The following ZNF804A variants were observed in gnomAD, a reference collection of about 807,000 sequenced individuals.
ZNF804A encodes the protein zinc finger protein 804A.
Under a neutral mutation model 16.5 loss-of-function variants are expected in ZNF804A, and 2 were observed. The observed-to-expected ratio is 0.12, with a 90% CI of 0.05 to 0.38. ZNF804A has a LOEUF of 0.38. ZNF804A is among the 10% of genes least tolerant of loss of function. ZNF804A has a pLI of 0.99. For missense variants in ZNF804A, 1,473 were observed against 1,390.7 expected (o/e 1.06, Z -0.94); for synonymous variants, 534 against 489.6 (o/e 1.09, Z -1.20).
intron 1 of ZNF804A, among the ~76,000 whole-genome samples, chr2:184,653,449 T>C (rs1036367747): frequency 6.6e-6 from 1 of 152,094 alleles, no homozygotes; most frequent in African/African-American, 2.4e-5. Context: ...CTCAGGGACA[T>C]AAGGCAGAAA....
At chr2:184,758,204 G>A (rs577011817) in intron 1 of ZNF804A, among the ~76,000 whole-genome samples, 26 of 151,788 alleles carry the variant, frequency 1.7e-4, no homozygotes, top group Admixed American at 4.0e-4. Flanking sequence ...TTAAGCTTCC[G>A]GTGAATATAT....
At chr2:184,864,328 A>G (rs1404490060) in intron 1 of ZNF804A, among the ~76,000 whole-genome samples, 1 of 152,094 alleles carries the variant, frequency 6.6e-6, no homozygotes, top group South Asian at 2.1e-4. Flanking sequence ...ACTTACCTCA[A>G]TCCTCCATGG....
intron 1 of ZNF804A, among the ~76,000 whole-genome samples, chr2:184,703,548 G>C (rs1172264113): frequency 1.3e-5 from 2 of 151,842 alleles, no homozygotes; most frequent in South Asian, 4.2e-4. Flanking sequence ...AAATTAGCCG[G>C]GCGTGGTGGC....
intron 1 of ZNF804A, among the ~76,000 whole-genome samples, chr2:184,772,848 T>G (rs1027139213): frequency 6.6e-6 from 1 of 150,974 alleles, no homozygotes; most frequent in Non-Finnish European, 1.5e-5. Flanking sequence ...GGATGTGACA[T>G]GGTATTTCAC....
intron 1 of ZNF804A, among the ~76,000 whole-genome samples, chr2:184,675,693 C>G (rs546027593): frequency 1.3e-5 from 2 of 151,624 alleles, no homozygotes; most frequent in African/African-American, 4.8e-5. Flanking sequence ...AAGTGAGGCA[C>G]GGAGATATTT....
rs35756065 is a variant in ZNF804A, at chr2:184,853,868, C to CTT, written c.112-12487_112-12486dup. 3.9e-4 allele frequency among the ~76,000 whole-genome samples: 54 copies of CTT among 138,182 alleles called. 1 individual carries two copies. The South Asian group carries it at 4.2e-3, about 11-fold the overall frequency. 90.7% of individuals were successfully genotyped at this position (138,182 alleles called of 152,430 possible). On this transcript the variant is annotated intron_variant, in intron 1 of 3. Coordinates refer to ENST00000302277, the MANE Select transcript of ZNF804A (RefSeq NM_194250.2). ...AGGGATAGTAACCTTAATTTTGTTT[C>CTT]TTTTTTTTTTTTTTTGGCAGTATCC...
intron 1 of ZNF804A, among the ~76,000 whole-genome samples, chr2:184,808,151 A>G (rs943446635): frequency 7.3e-5 from 11 of 151,610 alleles, no homozygotes; most frequent in South Asian, 2.1e-4. Context: ...TCATTTATTT[A>G]CACATTACAG....
intron 2 of ZNF804A, among the ~76,000 whole-genome samples, chr2:184,912,304 C>A (rs1332570568): frequency 1.3e-5 from 2 of 151,806 alleles, no homozygotes; most frequent in Non-Finnish European, 2.9e-5. Flanking sequence ...TGTGGTGTAT[C>A]CAAGTTGTAT....
At chr2:184,815,586 A>C (rs1295143673) in intron 1 of ZNF804A, among the ~76,000 whole-genome samples, 1 of 151,920 alleles carries the variant, frequency 6.6e-6, no homozygotes, top group Non-Finnish European at 1.5e-5. Context: ...GATAGGTTGT[A>C]AAATCAGTGT....
intron 2 of ZNF804A, among the ~76,000 whole-genome samples, chr2:184,873,648 A>T (rs1365960133): frequency 6.6e-6 from 1 of 152,258 alleles, no homozygotes; most frequent in Non-Finnish European, 1.5e-5. Context: ...ATTTAGTATT[A>T]TGATTTTATT....
chr2:184,776,516 G>A (rs1228817953), intron 1 of ZNF804A, among the ~76,000 whole-genome samples: 1 of 150,586 alleles, frequency 6.6e-6, no homozygotes, highest in Non-Finnish European at 1.5e-5. Flanking sequence ...GTAAAAGTTA[G>A]TACTTCGGAA....
chr2:184,641,826 T>A (rs1419283408), intron 1 of ZNF804A, among the ~76,000 whole-genome samples: 1 of 152,220 alleles, frequency 6.6e-6, no homozygotes, highest in Non-Finnish European at 1.5e-5. Flanking sequence ...AGAGATAAGC[T>A]ATTTACAATA....
At chr2:184,906,290 T>C (rs1685273019) in intron 2 of ZNF804A, among the ~76,000 whole-genome samples, 1 of 152,120 alleles carries the variant, frequency 6.6e-6, no homozygotes, top group African/African-American at 2.4e-5. Flanking sequence ...CATTTCCATT[T>C]CTTTTTTCTT....
chr2:184,730,271 G>A (rs1391695277), intron 1 of ZNF804A, among the ~76,000 whole-genome samples: 1 of 151,968 alleles, frequency 6.6e-6, no homozygotes, highest in East Asian at 1.9e-4. Context: ...AGAAAGTACA[G>A]AAATTTCCTA....
rs1443302549 is a variant in ZNF804A, at chr2:184,938,811, A to G, written c.3415A>G (p.Thr1139Ala). The G allele has an allele frequency of 6.2e-7, 1 of 1,613,566 alleles. No individual in the cohort carries two copies. The highest frequency in any genetic ancestry group is 2.2e-5 in the East Asian group (1 of 44,810). ...GTTTCTTTCCCAAATCCCAGCTCTC[A>G]CCAGAACCTCATTACCTCAGCTCTC... The part of the protein sequence containing the change: ...QQFLSQIPAL[T>A]RTSLPQLSVG... Residue 1139 changes from threonine to alanine, a missense_variant, in exon 4 of 4, where the codon ACC becomes GCC. Transcript: ENST00000302277.
intron 1 of ZNF804A, among the ~76,000 whole-genome samples, chr2:184,806,529 A>C (rs930319566): frequency 6.6e-6 from 1 of 151,918 alleles, no homozygotes. Flanking sequence ...ATGAGCAAGA[A>C]ATATTTTTTC....
chr2:184,935,645 C>A, intron 3 of ZNF804A, 138 bp from the exon 4 acceptor site: 3 of 942,376 alleles, frequency 3.2e-6, no homozygotes, highest in Non-Finnish European at 4.5e-6. Flanking sequence ...AGTACTTACA[C>A]CATATGAAGG....
chr2:184,879,882 C>A (rs1046632524), intron 2 of ZNF804A, among the ~76,000 whole-genome samples: 6 of 152,154 alleles, frequency 3.9e-5, no homozygotes, highest in East Asian at 1.9e-4. Flanking sequence ...TGTATTGTAA[C>A]ATTCTTGTGG....
At chr2:184,794,572 C>T (rs74913922) in intron 1 of ZNF804A, among the ~76,000 whole-genome samples, 5,319 of 151,742 alleles carry the variant, frequency 0.035, 306 homozygotes, top group African/African-American at 0.12. Flanking sequence ...ACCTATAGAA[C>T]AAAAATACTT....
Sources: allele counts gnomAD v4.1 joint callset (sites outside exome capture counted in the v4.1 genomes callset), GRCh38; gene constraint gnomAD v4.1.1; transcripts MANE v1.5; gene names NCBI Gene and HGNC (gene_info 2026-07-23, HGNC 2026-07-21).